Variants in ECPAS observed in about 807,000 individuals in gnomAD.
ECPAS encodes Ecm29 proteasome adaptor and scaffold, also known as proteasome adapter and scaffold protein ECM29.
A neutral mutation model predicts 255.1 loss-of-function variants in ECPAS; 70 were observed. The observed-to-expected ratio is 0.27, with a 90% CI of 0.23 to 0.33. The LOEUF (loss-of-function observed/expected upper bound fraction) is 0.33, where lower values mean the gene tolerates loss of function less well. Ranked by LOEUF, ECPAS falls within the 10% of genes least tolerant of loss-of-function variation. The probability of loss-of-function intolerance (pLI) is 1.00; values close to 1 mark genes in which losing one functional copy is unlikely to be tolerated. For missense variants in ECPAS, 1,817 were observed against 2,206.4 expected, an observed-to-expected ratio of 0.82 and a Z score of 3.54; for synonymous variants, 784 against 775.0, an observed-to-expected ratio of 1.01 and a Z score of -0.19.
At chr9:111,402,846 T>C (rs1179940052) in intron 24 of ECPAS, among the ~76,000 whole-genome samples, 3 of 151,808 alleles carry the variant, frequency 2.0e-5, no homozygotes, top group Non-Finnish European at 4.4e-5. Context: ...AAGTAAAACA[T>C]ACTATGAGAA....
intron 2 of ECPAS, among the ~76,000 whole-genome samples, chr9:111,454,738 T>C (rs2098264756): frequency 1.3e-5 from 2 of 150,434 alleles, no homozygotes; most frequent in Non-Finnish European, 3.0e-5. Context: ...TAAGACAGGG[T>C]CTTGCTGACA....
intron 37 of ECPAS, 126 bp downstream of exon 37, chr9:111,376,350 G>A: frequency 1.5e-6 from 1 of 674,070 alleles, no homozygotes; most frequent in Non-Finnish European, 2.6e-6. Flanking sequence ...AGAAAAAACT[G>A]GAGTCACAAC....
chr9:111,373,115 A>T, intron 41 of ECPAS, 55 bp downstream of exon 41: 1 of 1,323,926 alleles, frequency 7.6e-7, no homozygotes, highest in Non-Finnish European at 1.1e-6. Context: ...GTACTGTTTT[A>T]CTGGGCTGTT....
chr9:111,390,162 T>G (rs1181221208), intron 29 of ECPAS, 61 bp from the exon 30 acceptor site: 8 of 994,674 alleles, frequency 8.0e-6, no homozygotes, highest in Non-Finnish European at 1.2e-5. Context: ...GCCTAAAAAA[T>G]TACATCATCA....
At chr9:111,371,516 A>C in intron 43 of ECPAS, 105 bp downstream of exon 43, 1 of 1,090,484 alleles carries the variant, frequency 9.2e-7, no homozygotes, top group Non-Finnish European at 1.4e-6. Context: ...TCTAGTTCAC[A>C]AAAATAATCC....
At chr9:111,379,094 A>G (rs1054441653) in intron 35 of ECPAS, among the ~76,000 whole-genome samples, 3 of 152,160 alleles carry the variant, frequency 2.0e-5, no homozygotes. Context: ...CATTTGACCA[A>G]TTTTGTTTCA....
At chr9:111,436,475 GC>G in intron 7 of ECPAS, among the ~76,000 whole-genome samples, 1 of 152,302 alleles carries the variant, frequency 6.6e-6, no homozygotes, top group Non-Finnish European at 1.5e-5. Context: ...AGGGAGTCAT[GC>G]TTTTCCCCAC....
chr9:111,470,232 T>C (rs1180910861), intron 2 of ECPAS, among the ~76,000 whole-genome samples: 1 of 152,064 alleles, frequency 6.6e-6, no homozygotes, highest in Non-Finnish European at 1.5e-5. Context: ...GCAGATACCC[T>C]AATCTGGAAA....
At chr9:111,364,597 G>C (rs1345819944) in intron 48 of ECPAS, among the ~76,000 whole-genome samples, 1 of 152,134 alleles carries the variant, frequency 6.6e-6, no homozygotes, top group Non-Finnish European at 1.5e-5. Flanking sequence ...AATCATCAAT[G>C]CATGCTAAAT....
intron 2 of ECPAS, among the ~76,000 whole-genome samples, chr9:111,455,914 G>A (rs1053359904): frequency 1.3e-5 from 2 of 152,206 alleles, no homozygotes; most frequent in African/African-American, 4.8e-5. Context: ...AATCTTAGCT[G>A]GGAGTACAAA....
intron 2 of ECPAS, among the ~76,000 whole-genome samples, chr9:111,462,993 A>C (rs1041857169): frequency 2.0e-5 from 3 of 152,080 alleles, no homozygotes; most frequent in Admixed American, 6.6e-5. Context: ...TGATCCACCC[A>C]CCTCAACCTC....
chr9:111,440,876 T>C (rs917060904), intron 5 of ECPAS, among the ~76,000 whole-genome samples: 2 of 152,218 alleles, frequency 1.3e-5, no homozygotes, highest in African/African-American at 2.4e-5. Context: ...AAAAGAATTA[T>C]TTTCCAGGCT....
intron 12 of ECPAS, among the ~76,000 whole-genome samples, chr9:111,423,721 A>C (rs2098217616): frequency 6.6e-6 from 1 of 152,236 alleles, no homozygotes; most frequent in Non-Finnish European, 1.5e-5. Context: ...TCTACACTGT[A>C]ATGAACAGCT....
chr9:111,468,229 C>G lies in ECPAS; in HGVS notation c.22+4668G>C, dbSNP rs974772960. Among the ~76,000 whole-genome samples, 108 of 152,098 alleles carry G rather than the reference C, an allele frequency of 7.1e-4. 6 individuals are homozygous for G. Among genetic ancestry groups the G allele is most frequent in the Non-Finnish European group, 1.5e-5 (1 of 68,026 alleles). ...TCCAAGCGCACACTGGAACACAGTA[C>G]CTGCCTGTAAAGAACTTCTAGTAAA... On this transcript the variant is annotated intron_variant, in intron 2 of 49. Coordinates refer to ENST00000684092, the MANE Select transcript of ECPAS (RefSeq NM_001364929.1).
chr9:111,374,982 C>T, intron 38 of ECPAS, 131 bp downstream of exon 38: 1 of 669,916 alleles, frequency 1.5e-6, no homozygotes, highest in Non-Finnish European at 2.7e-6. Flanking sequence ...AGTGCAACCA[C>T]AGAAATAAAA....
chr9:111,425,091 G>GC (rs767893188), intron 12 of ECPAS, among the ~76,000 whole-genome samples: 1 of 151,964 alleles, frequency 6.6e-6, no homozygotes, highest in Non-Finnish European at 1.5e-5. Context: ...GGAGGCTGAG[G>GC]CAAGAGAATC....
intron 2 of ECPAS, among the ~76,000 whole-genome samples, chr9:111,452,755 C>T (rs923230046): frequency 6.6e-6 from 1 of 152,122 alleles, no homozygotes; most frequent in Non-Finnish European, 1.5e-5. Flanking sequence ...ACAGATTGAT[C>T]GATCAATCCT....
intron 2 of ECPAS, among the ~76,000 whole-genome samples, chr9:111,466,360 G>A (rs1170742793): frequency 3.3e-5 from 5 of 151,974 alleles, no homozygotes; most frequent in African/African-American, 4.8e-5. Context: ...CAGGAGAATC[G>A]CTTGAACCCG....
At chr9:111,463,641 T>C (rs1373122116) in intron 2 of ECPAS, among the ~76,000 whole-genome samples, 2 of 151,734 alleles carry the variant, frequency 1.3e-5, no homozygotes, top group Non-Finnish European at 2.9e-5. Context: ...GGTCAGCAAA[T>C]AGACAAATCA....
Sources: gnomAD v4.1 joint callset for allele counts (sites outside exome capture counted in the v4.1 genomes callset) on GRCh38, gnomAD v4.1.1 for gene constraint, MANE v1.5 for transcripts, NCBI Gene and HGNC (gene_info 2026-07-23, HGNC 2026-07-21) for gene names.